The following TRPM3 variants were observed in gnomAD, a reference collection of about 807,000 sequenced individuals.
TRPM3 encodes transient receptor potential cation channel subfamily M member 3.
A neutral mutation model predicts 181.2 loss-of-function variants in TRPM3; 77 were observed. The observed-to-expected ratio is 0.42, with a 90% confidence interval of 0.35 to 0.51. The LOEUF is 0.51. Ranked by LOEUF, TRPM3 falls within the 20% of genes least tolerant of loss-of-function variation. The probability of loss-of-function intolerance (pLI) is 0.01; values close to 1 mark genes in which losing one functional copy is unlikely to be tolerated. For synonymous variants in TRPM3, 745 were observed against 796.4 expected (o/e 0.94, Z 1.09); for missense variants, 1,759 against 2,196.7 (o/e 0.80, Z 3.98).
chr9:70,841,624 C>CTATATATATACA (rs2094637283), intron 5 of TRPM3, among the ~76,000 whole-genome samples: 1 of 72,916 alleles, frequency 1.4e-5, no homozygotes, highest in African/African-American at 5.5e-5. Flanking sequence ...CTATATCCCA[C>CTATATATATACA]TATATATATA....
chr9:71,024,866 AG>A (rs2134565887), intron 1 of TRPM3, among the ~76,000 whole-genome samples: 1 of 152,200 alleles, frequency 6.6e-6, no homozygotes, highest in East Asian at 1.9e-4. Flanking sequence ...CAGTGTCTGG[AG>A]GACCTGATCC....
At position 71,064,668 on chromosome 9, in the gene TRPM3, G is replaced by C. The variant is rs1251779359; in HGVS notation, c.177+56510C>G. On this transcript the variant is annotated intron_variant, in intron 1 of 25. Coordinates refer to ENST00000677713, the MANE Select transcript of TRPM3 (RefSeq NM_001366145.2). ...TTATTTAGGAGGAAAAGCATGTAAA[G>C]GTAAGTTTTTAGAATTTAGACTGTT... is the stretch of plus-strand genomic sequence containing the variant. Among the ~76,000 whole-genome samples, 3 of 152,020 alleles carry C rather than the reference G, an allele frequency of 2.0e-5. No homozygotes were observed. In the East Asian group the frequency reaches 5.8e-4, roughly 29 times the overall value.
At chr9:71,122,848 T>C (rs1202522676), upstream of TRPM3, among the ~76,000 whole-genome samples, 2 of 152,214 alleles carry the variant, frequency 1.3e-5, no homozygotes, top group Non-Finnish European at 1.5e-5. Context: ...TCTCTGATTA[T>C]CTACCAAACA....
chr9:70,622,176 T>G (rs1243790663), intron 14 of TRPM3, among the ~76,000 whole-genome samples: 1 of 152,170 alleles, frequency 6.6e-6, no homozygotes, highest in African/African-American at 2.4e-5. Context: ...GGTGTCACTA[T>G]GAATGAGGAA....
chr9:70,625,758 C>T lies in TRPM3; in HGVS notation c.1633-241G>A, dbSNP rs56697575. Among the ~76,000 whole-genome samples, 23,821 of 152,096 alleles carry T rather than the reference C, an allele frequency of 0.16. 2,473 individuals carry two copies. Among genetic ancestry groups the T allele is most frequent in the East Asian group, 0.4 (2,041 of 5,142 alleles). On this transcript the variant is annotated intron_variant, in intron 12 of 25. Transcript: ENST00000677713. The surrounding 1 kb of genome is among the most constrained non-coding windows in gnomAD (Gnocchi z 4.8). ...AGGCCTGTTACCACTCTCTTGATAT[C>T]ATTTGGTTTCTACCACCCTTTAAAG...
chr9:70,845,142 G>A (rs551335409), intron 4 of TRPM3, among the ~76,000 whole-genome samples: 7 of 152,212 alleles, frequency 4.6e-5, no homozygotes, highest in Admixed American at 1.3e-4. Flanking sequence ...TGTGCAGAAT[G>A]TTCACAAATT....
In TRPM3 at chr9:71,131,342, T is replaced by A. The variant is rs111421048; in HGVS notation, c.184-266831A>T. 4.6e-3 allele frequency among the ~76,000 whole-genome samples: 702 copies of A among 152,332 alleles called. 6 individuals carry two copies. The highest frequency in any genetic ancestry group is 8.8e-3 in the Non-Finnish European group (597 of 68,034). ...ATCTCTTGAGCCCTCCTTCAACATTTATTGCAGCTCTTTGTTTGAATTCTT... is the reference window on the plus strand; with the variant it reads ...ATCTCTTGAGCCCTCCTTCAACATTAATTGCAGCTCTTTGTTTGAATTCTT... On this transcript the variant is annotated intron_variant, in intron 1 of 24. Transcript: ENST00000357533.
At chr9:71,118,898 G>A (rs1417455916) in intron 1 of TRPM3, among the ~76,000 whole-genome samples, 1 of 152,064 alleles carries the variant, frequency 6.6e-6, no homozygotes, top group Non-Finnish European at 1.5e-5. Context: ...AAGCCAGGAA[G>A]AGCATTTACC....
chr9:71,253,820 G>T (rs113790225), intron 1 of TRPM3, among the ~76,000 whole-genome samples: 1,640 of 152,270 alleles, frequency 0.011, 27 homozygotes, highest in East Asian at 0.074. Context: ...ATCAATGGAT[G>T]AATTGGTAAA....
chr9:71,088,224 C>T (rs1240142336), intron 1 of TRPM3, among the ~76,000 whole-genome samples: 1 of 152,042 alleles, frequency 6.6e-6, no homozygotes. Context: ...TAATATTACG[C>T]AGAGTACAGA....
intron 1 of TRPM3, among the ~76,000 whole-genome samples, chr9:71,306,920 T>TCC (rs1463010490): frequency 6.6e-6 from 1 of 152,220 alleles, no homozygotes; most frequent in Non-Finnish European, 1.5e-5. Flanking sequence ...TAAGGATAAC[T>TCC]CCATATTGTT....
At chr9:70,853,593 A>G (rs922602391) in intron 3 of TRPM3, among the ~76,000 whole-genome samples, 1 of 152,220 alleles carries the variant, frequency 6.6e-6, no homozygotes, top group Admixed American at 6.5e-5. Context: ...AAATATGAAA[A>G]TGGAGCAATT....
At chr9:70,753,105 T>C (rs1184681239) in intron 8 of TRPM3, among the ~76,000 whole-genome samples, 1 of 151,804 alleles carries the variant, frequency 6.6e-6, no homozygotes, top group Non-Finnish European at 1.5e-5. Context: ...AGACTCTGTC[T>C]CAAAAAAAAG....
intron 1 of TRPM3, among the ~76,000 whole-genome samples, chr9:70,892,498 CAT>C (rs1471020021): frequency 6.6e-6 from 1 of 150,476 alleles, no homozygotes; most frequent in Non-Finnish European, 1.5e-5. Context: ...TGTGGTTTAA[CAT>C]AATTTAATTT....
intron 22 of TRPM3, among the ~76,000 whole-genome samples, chr9:70,567,477 T>C (rs2050917971): frequency 6.6e-6 from 1 of 152,248 alleles, no homozygotes; most frequent in African/African-American, 2.4e-5. Flanking sequence ...ACATACACTC[T>C]CCAGAGTACA....
At chr9:71,281,276 C>G (rs761541601) in intron 1 of TRPM3, among the ~76,000 whole-genome samples, 2 of 152,146 alleles carry the variant, frequency 1.3e-5, no homozygotes, top group Non-Finnish European at 2.9e-5. Context: ...AAAGAAGAGG[C>G]AAACTTTAGC....
intron 1 of TRPM3, among the ~76,000 whole-genome samples, chr9:70,931,970 C>T (rs1285433680): frequency 1.3e-5 from 2 of 152,102 alleles, no homozygotes; most frequent in African/African-American, 2.4e-5. Flanking sequence ...AATATATTCA[C>T]GAGTGTACTA....
intron 1 of TRPM3, among the ~76,000 whole-genome samples, chr9:71,087,587 G>A (rs890990635): frequency 2.0e-5 from 3 of 151,972 alleles, no homozygotes; most frequent in Non-Finnish European, 2.9e-5. Context: ...ACTGCATTTG[G>A]TGGGCCCTCA....
chr9:71,129,641 C>A (rs1565255673), intron 1 of TRPM3, among the ~76,000 whole-genome samples: 1 of 152,126 alleles, frequency 6.6e-6, no homozygotes, highest in Non-Finnish European at 1.5e-5. Flanking sequence ...TATTCTATAA[C>A]CCATGCTTTT....
Sources: allele counts gnomAD v4.1 joint callset (sites outside exome capture counted in the v4.1 genomes callset), GRCh38; gene constraint gnomAD v4.1.1; non-coding constraint Gnocchi (gnomAD v3.1); transcripts MANE v1.5; gene names NCBI Gene and HGNC (gene_info 2026-07-23, HGNC 2026-07-21).